The following KIF27 variants were observed in gnomAD, a reference collection of about 807,000 sequenced individuals.
KIF27 encodes the protein kinesin family member 27, also known as kinesin-like protein KIF27.
In KIF27, 84 loss-of-function variants were observed where a neutral mutation model predicts 141.8. The observed-to-expected ratio is 0.59, with a 90% CI of 0.50 to 0.71. The LOEUF (loss-of-function observed/expected upper bound fraction) is 0.71. KIF27 is among the 30% of genes least tolerant of loss of function. The probability of loss-of-function intolerance (pLI) is 0.00; values close to 1 mark genes in which losing one functional copy is unlikely to be tolerated. For missense variants in KIF27, 1,306 were observed against 1,628.4 expected (o/e 0.80, Z 3.41); for synonymous variants, 471 against 569.5 (o/e 0.83, Z 2.46).
chr9:83,835,160 C>G lies in KIF27; in HGVS notation c.*1841G>C, dbSNP rs1473047312. Among the ~76,000 whole-genome samples the G allele has an allele frequency of 1.3e-5, 2 of 148,878 alleles. No individual in the cohort carries two copies. The highest frequency in any genetic ancestry group is 3.9e-4 in the East Asian group (2 of 5,124). ...ATTTCCTTATATACTTGTATATGTA[C>G]AAGTGTATATACATATATATATATG... On this transcript the variant is annotated 3_prime_UTR_variant, in exon 18 of 18. Transcript: ENST00000297814.
chr9:83,904,148 T>C (rs562915851), intron 3 of KIF27, 130 bp from the exon 4 acceptor site: 1 of 613,194 alleles, frequency 1.6e-6, no homozygotes, highest in Non-Finnish European at 2.8e-6. Flanking sequence ...TTTCAGATAA[T>C]AATAATAACA....
intron 16 of KIF27, among the ~76,000 whole-genome samples, chr9:83,843,728 C>T (rs893697033): frequency 2.0e-5 from 3 of 152,034 alleles, no homozygotes; most frequent in Non-Finnish European, 4.4e-5. Flanking sequence ...TTTTCTATTA[C>T]TATTATTTTT....
chr9:83,903,854 T>C lies in KIF27; in HGVS notation c.664A>G (p.Met222Val). The C allele has an allele frequency of 6.2e-7, 1 of 1,614,210 alleles. No individual in the cohort carries two copies. Among genetic ancestry groups the C allele is most frequent in the East Asian group, 2.2e-5 (1 of 44,886 alleles). ...TISICQVHKN[M>V]EAAEDGSWYS... ...CATGATCCATCTTCAGCTGCCTCCA[T>C]ATTTTTATGAACTTGACAAATGCTG... is the stretch of plus-strand genomic sequence containing the variant. The change falls in exon 4 of 18, where the codon ATG (methionine) becomes GTG (valine). Residue 222 changes from methionine (M) to valine (V), a missense_variant. Transcript: ENST00000297814.
At chr9:83,848,091 A>ATGATATATATGATATCTCATATC (rs1564283416) in intron 16 of KIF27, among the ~76,000 whole-genome samples, 1 of 44,874 alleles carries the variant, frequency 2.2e-5, no homozygotes, top group Non-Finnish European at 3.8e-5. Flanking sequence ...TATCATATAT[A>ATGATATATATGATATCTCATATC]TGATATATAT....
In KIF27 at chr9:83,837,266, C is replaced by T. The variant is rs752519365; in HGVS notation, c.3941G>A (p.Gly1314Glu). 1.2e-6 allele frequency: 2 copies of T among 1,609,854 alleles called. No homozygotes were observed. The highest frequency in any genetic ancestry group is 2.7e-5 in the African/African-American group (2 of 74,652). Reference protein sequence around the residue: ...PIHSSLAPPSGHMLGNENKTE... With the variant: ...PIHSSLAPPSEHMLGNENKTE... ...TTTATTCTCATTACCTAACATATGCCCACTGGGGGGTGCTAAAGAACTATG... is the reference window on the plus strand; with the variant it reads ...TTTATTCTCATTACCTAACATATGCTCACTGGGGGGTGCTAAAGAACTATG... Residue 1314 changes from glycine (G) to glutamate (E), a missense_variant, in exon 18 of 18, where the codon GGG (glycine) becomes GAG (glutamate). By Grantham distance (98) the Gly-to-Glu change is moderately conservative. Around this residue, in one of 4 missense-constraint regions of KIF27, gnomAD observed 148 missense variants for 250.9 expected, o/e 0.59. Coordinates refer to ENST00000297814, the MANE Select transcript of KIF27 (RefSeq NM_017576.4).
intron 13 of KIF27, among the ~76,000 whole-genome samples, 198 bp downstream of exon 13, chr9:83,867,486 T>C (rs1457530738): frequency 1.6e-5 from 2 of 124,034 alleles, no homozygotes; most frequent in African/African-American, 6.2e-5. Flanking sequence ...TATCCGTAAG[T>C]TTAGCCTTTT....
At position 83,853,680 on chromosome 9, in the gene KIF27, A is replaced by G. The variant is rs758286417; in HGVS notation, c.3306T>C (p.Ala1102=). ...RGEANVLEKL[A]CLSPVEIRTI... is the part of the protein sequence containing the mutation. ...TTCTAATCTCAACAGGACTCAGGCA[A>G]GCTAGCTTTTCCAAGACATTTGCTT... The change falls in exon 15 of 18, where the codon GCT becomes GCC. Residue 1102 remains alanine, a synonymous_variant. Coordinates refer to ENST00000297814, the MANE Select transcript of KIF27 (RefSeq NM_017576.4). The G allele has an allele frequency of 1.2e-6, 2 of 1,613,728 alleles. No homozygotes were observed. Among genetic ancestry groups the G allele is most frequent in the South Asian group, 2.2e-5 (2 of 91,070 alleles).
At chr9:83,891,246 C>G (rs1184514062) in intron 6 of KIF27, 49 bp downstream of exon 6, 1 of 1,536,026 alleles carries the variant, frequency 6.5e-7, no homozygotes, top group Non-Finnish European at 9.0e-7. Context: ...TTACACATGG[C>G]TAAAATTTTT....
At chr9:83,908,404 G>A (rs751492098) in intron 3 of KIF27, 48 bp downstream of exon 3, 2 of 1,103,976 alleles carry the variant, frequency 1.8e-6, no homozygotes, top group Non-Finnish European at 2.7e-6. Flanking sequence ...AAGCATTAAA[G>A]CATGTCTGTT....
At position 83,837,237 on chromosome 9, in the gene KIF27, C is replaced by G. The variant is rs1945973399; in HGVS notation, c.3970G>C (p.Glu1324Gln). 6.2e-7 allele frequency: 1 copy of G among 1,613,648 alleles called. No individual in the cohort carries two copies. The highest frequency in any genetic ancestry group is 1.1e-5 in the South Asian group (1 of 91,028). The change falls in exon 18 of 18, where the codon GAA becomes CAA. Residue 1324 changes from glutamate to glutamine, a missense_variant. Glu to Gln is a conservative substitution (Grantham distance 29). This residue lies in a region of KIF27 where 148 missense variants were observed against 250.9 expected (regional missense o/e 0.59). Transcript: ENST00000297814. Reference protein sequence around the residue: ...GHMLGNENKTETDDNQFTKSH... With the variant: ...GHMLGNENKTQTDDNQFTKSH... Reference sequence around the variant, plus strand: ...TTTGTAAACTGATTATCATCTGTTTCTGTTTTATTCTCATTACCTAACATA... The same window carrying G: ...TTTGTAAACTGATTATCATCTGTTTGTGTTTTATTCTCATTACCTAACATA...
At position 83,891,394 on chromosome 9, in the gene KIF27, C is replaced by T. The variant is rs1353133839; in HGVS notation, c.1710G>A (p.Gly570=). The T allele has an allele frequency of 1.9e-6, 3 of 1,613,832 alleles. No homozygotes were observed. Among genetic ancestry groups the T allele is most frequent in the Non-Finnish European group, 2.5e-6 (3 of 1,179,852 alleles). The part of the protein sequence containing the change: ...TSSAKENCGD[G]PDARIPERRP... ...TCCTTTCAGGGATCCTGGCATCTGG[C>T]CCATCTCCACAATTTTCTTTAGCTG... The change falls in exon 6 of 18, where the codon GGG becomes GGA. Residue 570 remains glycine, a synonymous_variant. Transcript: ENST00000297814.
intron 13 of KIF27, among the ~76,000 whole-genome samples, chr9:83,862,819 C>A (rs1287345992): frequency 3.9e-5 from 6 of 152,102 alleles, no homozygotes. Flanking sequence ...ATGGAATATT[C>A]TTCCATTTGT....
chr9:83,894,403 C>T (rs2780188), intron 5 of KIF27, among the ~76,000 whole-genome samples: 2 of 152,164 alleles, frequency 1.3e-5, no homozygotes, highest in African/African-American at 2.4e-5. Context: ...TTTTAGAAGA[C>T]CTGCTATGAG....
At chr9:83,898,776 G>A (rs1202583955) in intron 5 of KIF27, 1 of 152,204 alleles carries the variant, frequency 6.6e-6, no homozygotes, top group African/African-American at 2.4e-5. Context: ...GCAACACAGT[G>A]AGACCCTGTC....
chr9:83,885,437 C>T (rs1209519550), intron 9 of KIF27, among the ~76,000 whole-genome samples: 1 of 152,088 alleles, frequency 6.6e-6, no homozygotes, highest in South Asian at 2.1e-4. Flanking sequence ...TCCAAAAATA[C>T]TCATCATTTT....
At chr9:83,844,045 C>T (rs1255563773) in intron 16 of KIF27, among the ~76,000 whole-genome samples, 2 of 152,212 alleles carry the variant, frequency 1.3e-5, no homozygotes, top group Middle Eastern at 3.4e-3. Context: ...CTGGGGAAGG[C>T]ACACCCACTC....
chr9:83,838,708 C>CT (rs755968362), intron 17 of KIF27: 1 of 152,158 alleles, frequency 6.6e-6, no homozygotes, highest in Non-Finnish European at 1.5e-5. Context: ...TCTAGAAAAA[C>CT]TATAAGAGTT....
Position 83,850,312 on chromosome 9 carries a change from T to C in KIF27, c.3358-15A>G. Reference sequence around the variant, plus strand: ...AAATTCACCACCTAACAAATACATATTTTGACCTGTTAAGTGTGTCTTAGA... The same window carrying C: ...AAATTCACCACCTAACAAATACATACTTTGACCTGTTAAGTGTGTCTTAGA... On this transcript the variant is annotated splice_polypyrimidine_tract_variant and intron_variant, in intron 15 of 17. Coordinates refer to ENST00000297814, the MANE Select transcript of KIF27 (RefSeq NM_017576.4). 6.4e-7 allele frequency: 1 copy of C among 1,559,864 alleles called. No individual in the cohort carries two copies. The highest frequency in any genetic ancestry group is 8.8e-7 in the Non-Finnish European group (1 of 1,131,216).
At chr9:83,898,224 A>G (rs1486050624) in intron 5 of KIF27, among the ~76,000 whole-genome samples, 2 of 152,192 alleles carry the variant, frequency 1.3e-5, no homozygotes, top group African/African-American at 4.8e-5. Flanking sequence ...CATACAATAA[A>G]ATCCTATGTA....
Sources: allele counts gnomAD v4.1 joint callset (sites outside exome capture counted in the v4.1 genomes callset), GRCh38; gene constraint gnomAD v4.1.1; regional missense constraint gnomAD v4.1.1; transcripts MANE v1.5; gene names NCBI Gene and HGNC (gene_info 2026-07-23, HGNC 2026-07-21).